PLSCR1: variants seen among roughly 807,000 people sequenced by gnomAD.
PLSCR1 encodes the protein PL scramblase 1.
A neutral mutation model predicts 37.8 loss-of-function variants in PLSCR1; 17 were observed. That is an observed-to-expected ratio of 0.45 (90% CI 0.31 to 0.68). The LOEUF is 0.68. PLSCR1 is among the 30% of genes least tolerant of loss of function. The pLI is 0.06. For missense variants in PLSCR1, 347 were observed against 380.9 expected (o/e 0.91, Z 0.74); for synonymous variants, 116 against 125.9 (o/e 0.92, Z 0.53).
At chr3:146,517,904 G>C (rs573907143) in intron 7 of PLSCR1, among the ~76,000 whole-genome samples, 1 of 152,200 alleles carries the variant, frequency 6.6e-6, no homozygotes, top group South Asian at 2.1e-4. Context: ...GGTGGGGACT[G>C]AATGTAGCTG....
At chr3:146,536,850 C>T (rs756491213) in intron 1 of PLSCR1, 80 of 295,498 alleles carry the variant, frequency 2.7e-4, no homozygotes, top group Middle Eastern at 7.8e-4. Flanking sequence ...CATAAAGACA[C>T]ACTATGAGCT....
chr3:146,516,892 G>C (rs1414328118), intron 8 of PLSCR1, 114 bp downstream of exon 8: 182 of 748,546 alleles, frequency 2.4e-4, no homozygotes, highest in Non-Finnish European at 3.4e-5. Flanking sequence ...TGGGAATCCT[G>C]ATTTAAAATC....
In PLSCR1 at chr3:146,521,523, A is replaced by C. The variant is rs749295344; in HGVS notation, c.738+21T>G. The C allele has an allele frequency of 6.3e-6, 10 of 1,598,336 alleles. No individual in the cohort carries two copies. The African/African-American group carries it at 1.3e-4, about 22-fold the overall frequency. ...CTTATATTAGGAAAGCAAATCTTATAAACATTATGACATCTCTTACCTCAA... is the reference window on the plus strand; with the variant it reads ...CTTATATTAGGAAAGCAAATCTTATCAACATTATGACATCTCTTACCTCAA... On this transcript the variant is annotated intron_variant, in intron 7 of 8. Transcript: ENST00000342435.
rs777455980 is a variant in PLSCR1, at chr3:146,516,126, A to G, written c.901-25T>C. The G allele has an allele frequency of 5.3e-6, 8 of 1,496,436 alleles. No individual in the cohort carries two copies. In the East Asian group the frequency reaches 1.8e-4, roughly 34 times the overall value. 92.7% of individuals were successfully genotyped at this position (1,496,436 alleles called of 1,614,324 possible). ...CCTAGATAAAAACAAAAGTATACAA[A>G]TGAATTTTCAACAACAAAACAGAGA... On this transcript the variant is annotated intron_variant, in intron 8 of 8. Coordinates refer to ENST00000342435, the MANE Select transcript of PLSCR1 (RefSeq NM_021105.3).
chr3:146,543,058 G>A (rs2609861), intron 1 of PLSCR1, among the ~76,000 whole-genome samples: 40,661 of 152,032 alleles, frequency 0.27, 5,642 homozygotes, highest in African/African-American at 0.31. Flanking sequence ...AAATCAACTA[G>A]TCTATGGAGG....
chr3:146,529,477 C>T (rs2044166257), intron 3 of PLSCR1, among the ~76,000 whole-genome samples: 1 of 151,896 alleles, frequency 6.6e-6, no homozygotes. Flanking sequence ...TATTATAGTG[C>T]CACTGTTGAA....
chr3:146,521,757 C>T (rs751097095), intron 6 of PLSCR1, 52 bp from the exon 7 acceptor site: 11 of 1,578,746 alleles, frequency 7.0e-6, no homozygotes, highest in African/African-American at 1.4e-5. Context: ...TGCCTAGGTT[C>T]GATGAAAGGT....
chr3:146,535,131 C>A (rs1208670264), intron 2 of PLSCR1, among the ~76,000 whole-genome samples: 1 of 152,080 alleles, frequency 6.6e-6, no homozygotes, highest in Non-Finnish European at 1.5e-5. Context: ...CAGCATCAGA[C>A]TCAGAATAGA....
At chr3:146,525,566 A>G in intron 5 of PLSCR1, 39 bp downstream of exon 5, 1 of 1,087,034 alleles carries the variant, frequency 9.2e-7, no homozygotes, top group Non-Finnish European at 1.4e-6. Context: ...ATAAACTTCT[A>G]CTCTTTATAG....
In PLSCR1 at chr3:146,528,713, C is replaced by T. The variant is rs1425023056; in HGVS notation, c.213G>A (p.Gln71=). ...CTCCAACTGGCTGATTATATACTGG[C>T]TGATTATACACTGGCTGATTTGGGA... The part of the protein sequence containing the change: ...FPVPNQPVYN[Q]PVYNQPVGAA... Residue 71 remains glutamine, a synonymous_variant, in exon 4 of 9, where the codon CAG becomes CAA. Transcript: ENST00000342435. The T allele has an allele frequency of 2.5e-6, 4 of 1,613,976 alleles. No homozygotes were observed. The highest frequency in any genetic ancestry group is 2.7e-5 in the African/African-American group (2 of 74,886).
In PLSCR1 at chr3:146,536,545, T is replaced by C. The variant is rs766391277; in HGVS notation, c.8A>G (p.Lys3Arg). The change falls in exon 2 of 9, where the codon AAA becomes AGA. Residue 3 changes from lysine (K) to arginine (R), a missense_variant. Lys to Arg is a conservative substitution (Grantham distance 26). Coordinates refer to ENST00000342435, the MANE Select transcript of PLSCR1 (RefSeq NM_021105.3). MD[K>R]QNSQMNASHP... is the part of the protein sequence containing the mutation. ...ATTTAAAATAAATTACTTACTTTGT[T>C]TGTCCATGATTAAAACAGTTCTGAA... 1 of 1,439,256 alleles carries C rather than the reference T, an allele frequency of 6.9e-7. No individual in the cohort carries two copies. The highest frequency in any genetic ancestry group is 1.1e-5 in the South Asian group (1 of 87,284). 89.2% of individuals were successfully genotyped at this position (1,439,256 alleles called of 1,614,324 possible).
intron 4 of PLSCR1, among the ~76,000 whole-genome samples, chr3:146,526,290 A>C (rs578041648): frequency 6.6e-6 from 1 of 152,136 alleles, no homozygotes; most frequent in Non-Finnish European, 1.5e-5. Flanking sequence ...TCACCAGGGA[A>C]ATGAAATCCA....
chr3:146,528,933 A>G, intron 3 of PLSCR1, 102 bp from the exon 4 acceptor site: 5 of 759,426 alleles, frequency 6.6e-6, no homozygotes, highest in Non-Finnish European at 8.5e-6. Context: ...ATTTCAGCGT[A>G]GACATCTGTA....
At chr3:146,518,345 T>C (rs1215824106) in intron 7 of PLSCR1, among the ~76,000 whole-genome samples, 3 of 147,276 alleles carry the variant, frequency 2.0e-5, no homozygotes, top group Non-Finnish European at 3.0e-5. Context: ...GAGGTTAACA[T>C]GCGCCTAAGT....
At chr3:146,543,850 G>A (rs2044369131) in intron 1 of PLSCR1, among the ~76,000 whole-genome samples, 1 of 152,186 alleles carries the variant, frequency 6.6e-6, no homozygotes, top group Non-Finnish European at 1.5e-5. Context: ...CCACAGACGT[G>A]AAGCAGTAGA....
intron 5 of PLSCR1, 63 bp downstream of exon 5, chr3:146,525,542 G>A (rs1248490398): frequency 4.9e-6 from 4 of 816,978 alleles, no homozygotes; most frequent in Non-Finnish European, 8.5e-6. Context: ...GGAGGTCAAT[G>A]TGCCTTTATC....
At chr3:146,544,374 C>G (rs2044377998) in intron 1 of PLSCR1, 93 bp downstream of exon 1, 1 of 152,742 alleles carries the variant, frequency 6.5e-6, no homozygotes, top group Admixed American at 6.5e-5. Context: ...AAGTTGCCCT[C>G]CACACCTGAC....
intron 2 of PLSCR1, among the ~76,000 whole-genome samples, chr3:146,534,525 C>T (rs941890037): frequency 3.6e-4 from 54 of 152,104 alleles, no homozygotes; most frequent in African/African-American, 1.3e-3. Flanking sequence ...ACTTGTGAAT[C>T]GTGTGGTTTT....
At chr3:146,539,585 C>T (rs1396724946) in intron 1 of PLSCR1, among the ~76,000 whole-genome samples, 1 of 152,178 alleles carries the variant, frequency 6.6e-6, no homozygotes, top group Non-Finnish European at 1.5e-5. Context: ...AGAGATCATT[C>T]TCTCCTTGCA....
Sources: allele counts gnomAD v4.1 joint callset (sites outside exome capture counted in the v4.1 genomes callset), GRCh38; gene constraint gnomAD v4.1.1; transcripts MANE v1.5; gene names NCBI Gene and HGNC (gene_info 2026-07-23, HGNC 2026-07-21).